Variants in ZNF707 observed in about 807,000 individuals in gnomAD.
ZNF707 encodes zinc finger protein 707.
In ZNF707, 8 loss-of-function variants were observed where a neutral mutation model predicts 13.3. The observed-to-expected ratio is 0.60, with a 90% CI of 0.35 to 1.09. ZNF707 has a LOEUF of 1.09. ZNF707 is among the 50% of genes least tolerant of loss of function. ZNF707 has a pLI of 0.02. For synonymous variants in ZNF707, 225 were observed against 205.6 expected, an observed-to-expected ratio of 1.09 and a Z score of -0.81; for missense variants, 530 against 512.6, an observed-to-expected ratio of 1.03 and a Z score of -0.33.
intron 5 of ZNF707, 150 bp downstream of exon 5, chr8:143,691,863 G>C (rs1195676190): frequency 2.4e-5 from 23 of 953,804 alleles, no homozygotes; most frequent in Non-Finnish European, 3.6e-5. Flanking sequence ...AGGCATTAGA[G>C]ACGTAGGGGC....
intron 4 of ZNF707, 89 bp downstream of exon 4, chr8:143,691,288 A>G (rs576425772): frequency 3.3e-6 from 5 of 1,502,180 alleles, no homozygotes; most frequent in Middle Eastern, 2.3e-4. Flanking sequence ...CCAGGACAGT[A>G]GTGGGGCCTC....
At chr8:143,690,449 G>C in intron 3 of ZNF707, 1 of 314,904 alleles carries the variant, frequency 3.2e-6, no homozygotes, top group Non-Finnish European at 5.8e-6. Flanking sequence ...TGTAGGCCCA[G>C]CTACTCGGGA....
At chr8:143,690,761 G>C (rs1043931727) in intron 3 of ZNF707, 1 of 358,452 alleles carries the variant, frequency 2.8e-6, no homozygotes, top group African/African-American at 2.1e-5. Context: ...CTGGTTTCTG[G>C]TGGGGGCCAC....
Position 143,694,292 on chromosome 8 carries a change from GC to G in ZNF707, c.879del (p.Cys293TrpfsTer47). On this transcript the variant is annotated frameshift_variant, in exon 6 of 6. Coordinates refer to ENST00000358656, the MANE Select transcript of ZNF707 (RefSeq NM_001100598.2). LOFTEE classifies it low-confidence loss of function (END_TRUNC). The surrounding 1 kb of genome is among the most constrained non-coding windows in gnomAD (Gnocchi z 4.4). ...GAGCGGCCGTTCTACTGCGCGGACTGCGGCAAAGCCTTCCGGACCAAGGAGA... is the reference window on the plus strand; with the variant it reads ...GAGCGGCCGTTCTACTGCGCGGACTGGGCAAAGCCTTCCGGACCAAGGAGA... ...TGERPFYCADCGKAFRTKENL... is the reference protein window; with the variant it reads ...TGERPFYCADXGKAFRTKENL... 6.3e-7 allele frequency: 1 copy of G among 1,599,208 alleles called. No individual in the cohort carries two copies. Among genetic ancestry groups the G allele is most frequent in the Non-Finnish European group, 8.5e-7 (1 of 1,171,392 alleles).
chr8:143,690,422 T>C, intron 3 of ZNF707: 1 of 393,428 alleles, frequency 2.5e-6, no homozygotes, highest in Non-Finnish European at 4.5e-6. Flanking sequence ...ATACAAAAAA[T>C]TAGCTGGGCA....
chr8:143,689,548 C>T lies in ZNF707; in HGVS notation c.-53+247C>T, dbSNP rs192248588. Among the ~76,000 whole-genome samples the T allele has an allele frequency of 8.8e-3, 1,341 of 152,140 alleles. 9 individuals are homozygous for T. Among genetic ancestry groups the T allele is most frequent in the Middle Eastern group, 0.034 (10 of 294 alleles). ...TGGCTTGATCTGGAGACTCAGTGAA[C>T]ATTATTGGGGTTTCTCGGGGCTGCA... On this transcript the variant is annotated intron_variant, in intron 2 of 5. Coordinates refer to ENST00000358656, the MANE Select transcript of ZNF707 (RefSeq NM_001100598.2).
At position 143,693,684 on chromosome 8, in the gene ZNF707, T is replaced by C. The variant is rs372056579; in HGVS notation, c.270T>C (p.Ser90=). The change falls in exon 6 of 6, where the codon TCT becomes TCC. Residue 90 remains serine (S), a synonymous_variant. Coordinates refer to ENST00000358656, the MANE Select transcript of ZNF707 (RefSeq NM_001100598.2). The surrounding 1 kb of genome is among the most constrained non-coding windows in gnomAD (Gnocchi z 4.1). Reference sequence around the variant, plus strand: ...TTCCTTCCACAGGGGCAAGGAAGTCTGCAGACCCCAAGAGACCTTGTGATC... The same window carrying C: ...TTCCTTCCACAGGGGCAAGGAAGTCCGCAGACCCCAAGAGACCTTGTGATC... ...QRGPRPGARK[S]ADPKRPCDHP... 4.4e-6 allele frequency: 7 copies of C among 1,591,736 alleles called. No individual in the cohort carries two copies. Among genetic ancestry groups the C allele is most frequent in the Non-Finnish European group, 6.0e-6 (7 of 1,169,776 alleles).
rs189397803 is a variant in ZNF707 at position 143,690,040 on chromosome 8, A to G, written c.-52-17A>G. ...TCCCAGGCCGGCTATACCCGCTTAC[A>G]TTTCTTGTCTCCCCAGATCTGCCCT... On this transcript the variant is annotated splice_polypyrimidine_tract_variant and intron_variant, in intron 2 of 5. Coordinates refer to ENST00000358656, the MANE Select transcript of ZNF707 (RefSeq NM_001100598.2). 4.3e-4 allele frequency: 693 copies of G among 1,604,450 alleles called. No individual in the cohort carries two copies. Among genetic ancestry groups the G allele is most frequent in the Middle Eastern group, 1.2e-3 (7 of 6,052 alleles).
intron 4 of ZNF707, 172 bp downstream of exon 4, chr8:143,691,371 G>A (rs1816798144): frequency 3.5e-5 from 44 of 1,254,578 alleles, no homozygotes; most frequent in Middle Eastern, 2.8e-4. Flanking sequence ...CGTTTCTCTC[G>A]GGCTCCCTGG....
In ZNF707 at chr8:143,694,072, C is replaced by T; in HGVS notation, c.658C>T (p.Gln220Ter). The change falls in exon 6 of 6, where the codon CAG (glutamine) becomes TAG (stop). Residue 220 changes from glutamine (Q) to a stop codon, truncating the protein, a stop_gained. Transcript: ENST00000358656. LOFTEE classifies it low-confidence loss of function (END_TRUNC). This position sits in a 1 kb window ranked among gnomAD's most constrained non-coding sequence, Gnocchi z 4.4. ...GACCTTCCGGTGGGCTTCAAACCTGCAGCGCCACCAGAAGAACCACACGCG... is the reference window on the plus strand; with the variant it reads ...GACCTTCCGGTGGGCTTCAAACCTGTAGCGCCACCAGAAGAACCACACGCG... The part of the protein sequence containing the change: ...GQTFRWASNL[Q>*]RHQKNHTREK... The T allele has an allele frequency of 6.2e-7, 1 of 1,607,106 alleles. No individual in the cohort carries two copies. The highest frequency in any genetic ancestry group is 8.5e-7 in the Non-Finnish European group (1 of 1,177,868).
chr8:143,686,800 C>T (rs1270570768), intron 1 of ZNF707: 6 of 142,350 alleles, frequency 4.2e-5, no homozygotes, highest in Admixed American at 4.2e-4. Context: ...GCCACTGCAC[C>T]CCGTCTCCTT....
intron 1 of ZNF707, chr8:143,687,950 T>C (rs1424285637): frequency 6.6e-6 from 1 of 151,200 alleles, no homozygotes; most frequent in Non-Finnish European, 1.5e-5. Flanking sequence ...TTCTGTTAAT[T>C]TGGTTAGTTA....
rs373024804 is a variant in ZNF707, at chr8:143,694,236, C to A, written c.822C>A (p.Asn274Lys). The A allele has an allele frequency of 6.3e-7, 1 of 1,588,246 alleles. No individual in the cohort carries two copies. The highest frequency in any genetic ancestry group is 8.6e-7 in the Non-Finnish European group (1 of 1,167,416). The change falls in exon 6 of 6, where the codon AAC (asparagine) becomes AAA (lysine). Residue 274 changes from asparagine to lysine, a missense_variant. Asn to Lys is a moderately conservative substitution (Grantham distance 94). Transcript: ENST00000358656. This position sits in a 1 kb window ranked among gnomAD's most constrained non-coding sequence, Gnocchi z 4.4. ...DCGKAFKQKS[N>K]LLRHQLVHTG... is the part of the protein sequence containing the mutation. Reference sequence around the variant, plus strand: ...GGAAAGCCTTCAAGCAGAAGTCCAACCTTCTCAGACACCAGCTGGTGCACA... The same window carrying A: ...GGAAAGCCTTCAAGCAGAAGTCCAAACTTCTCAGACACCAGCTGGTGCACA...
intron 1 of ZNF707, among the ~76,000 whole-genome samples, chr8:143,686,351 C>T (rs948768799): frequency 6.6e-6 from 1 of 152,116 alleles, no homozygotes; most frequent in African/African-American, 2.4e-5. Context: ...GGATTACAGG[C>T]GTGAACCACC....
chr8:143,694,574 G>A lies in ZNF707; in HGVS notation c.*44G>A, dbSNP rs782498027. 1.3e-5 allele frequency: 19 copies of A among 1,517,014 alleles called. No individual in the cohort carries two copies. In the South Asian group the frequency reaches 1.9e-4, roughly 15 times the overall value. The allele number at this position is 1,517,014 out of a possible 1,614,324, so 94.0% of individuals were successfully genotyped here. ...GTGCTGCGCCTCTGCGGGAGTACTG[G>A]GTCCTGAGGGAGAGCTGCAGTGAGA... On this transcript the variant is annotated 3_prime_UTR_variant, in exon 6 of 6. Coordinates refer to ENST00000358656, the MANE Select transcript of ZNF707 (RefSeq NM_001100598.2). The surrounding 1 kb of genome is among the most constrained non-coding windows in gnomAD (Gnocchi z 4.4).
Position 143,693,635 on chromosome 8 carries a change from A to T in ZNF707, c.257-36A>T. 6.6e-7 allele frequency: 1 copy of T among 1,504,162 alleles called. No individual in the cohort carries two copies. The highest frequency in any genetic ancestry group is 8.9e-7 in the Non-Finnish European group (1 of 1,127,860). The allele number at this position is 1,504,162 out of a possible 1,614,324, so 93.2% of individuals were successfully genotyped here. On this transcript the variant is annotated intron_variant, in intron 5 of 5. Transcript: ENST00000358656. The surrounding 1 kb of genome is among the most constrained non-coding windows in gnomAD (Gnocchi z 4.1). ...TGGAGGCACTGCCTGGCTGTGGGCC[A>T]CTGGCTCTGTGTAAGGGTGTCTGTT...
At chr8:143,686,446 C>T (rs899617196) in intron 1 of ZNF707, among the ~76,000 whole-genome samples, 1 of 152,170 alleles carries the variant, frequency 6.6e-6, no homozygotes, top group Non-Finnish European at 1.5e-5. Context: ...AATTGGAAAA[C>T]ACCACCCATG....
chr8:143,690,846 A>ATGGGT, intron 3 of ZNF707: 1 of 587,966 alleles, frequency 1.7e-6, no homozygotes, highest in Admixed American at 3.2e-5. Flanking sequence ...GACCAGGTCC[A>ATGGGT]TGGGTCAGGG....
intron 3 of ZNF707, 78 bp downstream of exon 3, chr8:143,690,201 G>A: frequency 6.4e-7 from 1 of 1,559,146 alleles, no homozygotes; most frequent in East Asian, 2.3e-5. Context: ...ACGCGGGGAG[G>A]GTCTGTGGCA....
Sources: allele counts gnomAD v4.1 joint callset (sites outside exome capture counted in the v4.1 genomes callset), GRCh38; gene constraint gnomAD v4.1.1; non-coding constraint Gnocchi (gnomAD v3.1); transcripts MANE v1.5; gene names NCBI Gene and HGNC (gene_info 2026-07-23, HGNC 2026-07-21).